TTK: variants seen among roughly 807,000 people sequenced by gnomAD.
TTK encodes the protein dual specificity protein kinase TTK.
A neutral mutation model predicts 117.3 loss-of-function variants in TTK; 59 were observed. The ratio of observed to expected loss-of-function variants is 0.50; its 90% CI spans 0.41 to 0.62. TTK has a LOEUF of 0.62. Ranked by LOEUF, TTK falls within the 20% of genes least tolerant of loss-of-function variation. The probability of loss-of-function intolerance (pLI) is 0.00; values close to 1 mark genes in which losing one functional copy is unlikely to be tolerated. For missense variants in TTK, 921 were observed against 989.4 expected, an observed-to-expected ratio of 0.93 and a Z score of 0.93; for synonymous variants, 302 against 325.0, an observed-to-expected ratio of 0.93 and a Z score of 0.76.
At chr6:80,040,376 C>A (rs2295841) in intron 20 of TTK, 96 bp downstream of exon 20, 15 of 1,089,318 alleles carry the variant, frequency 1.4e-5, no homozygotes, top group South Asian at 1.9e-5. Context: ...AATTGGCTAC[C>A]CTTTGTCAGC....
rs539913890 is a variant in TTK at position 80,041,814 on chromosome 6, CTTTA to C, written c.2491-300_2491-297del. Among the ~76,000 whole-genome samples the C allele has an allele frequency of 3.3e-3, 505 of 151,432 alleles. 3 individuals are homozygous for C. The highest frequency in any genetic ancestry group is 0.011 in the African/African-American group (474 of 41,438). ...TGTATAGGAATTTACCTAAGACTGG[CTTTA>C]TTTAAGAAAAAGTAAAGAGATAAAG... On this transcript the variant is annotated intron_variant, in intron 21 of 21. Transcript: ENST00000369798.
intron 1 of TTK, among the ~76,000 whole-genome samples, chr6:80,005,119 C>T (rs773453644): frequency 5.3e-5 from 8 of 152,110 alleles, no homozygotes; most frequent in Non-Finnish European, 8.8e-5. Context: ...AACTTTATGA[C>T]TTTTTTTCAT....
intron 4 of TTK, among the ~76,000 whole-genome samples, chr6:80,009,394 C>A (rs1478359396): frequency 6.6e-6 from 1 of 151,948 alleles, no homozygotes; most frequent in Admixed American, 6.6e-5. Context: ...TTTCTGAGTC[C>A]TAGTAATTGT....
chr6:80,009,082 TC>T (rs1404543851), intron 4 of TTK, among the ~76,000 whole-genome samples: 2 of 152,048 alleles, frequency 1.3e-5, no homozygotes, highest in Non-Finnish European at 2.9e-5. Context: ...GACAATCTCT[TC>T]CTAAGACATT....
chr6:80,014,157 G>A lies in TTK; in HGVS notation c.985-306G>A, dbSNP rs185321281. Among the ~76,000 whole-genome samples, 832 of 152,116 alleles carry A rather than the reference G, an allele frequency of 5.5e-3. 10 individuals are homozygous for A. The highest frequency in any genetic ancestry group is 8.2e-3 in the Non-Finnish European group (559 of 67,968). ...ACTTAAATCTTTTTTCTTGTCATGA[G>A]GCATACTCTATGTTGAATTCAAACT... On this transcript the variant is annotated intron_variant, in intron 9 of 21. Transcript: ENST00000369798.
intron 4 of TTK, among the ~76,000 whole-genome samples, chr6:80,010,151 A>G (rs189749949): frequency 3.5e-4 from 53 of 152,164 alleles, no homozygotes; most frequent in African/African-American, 1.2e-3. Flanking sequence ...TATACATTTA[A>G]TATTTATATG....
Position 80,040,216 on chromosome 6 carries a change from A to G in TTK, c.2328A>G (p.Pro776=). Residue 776 remains proline, a synonymous_variant, in exon 20 of 22, where the codon CCA becomes CCG. Coordinates refer to ENST00000369798, the MANE Select transcript of TTK (RefSeq NM_003318.5). The part of the protein sequence containing the change: ...DVLKCCLKRD[P]KQRISIPELL... ...AATAGTGTTGTTTAAAAAGGGACCCAAAACAGAGGATATCCATTCCTGAGC... is the reference window on the plus strand; with the variant it reads ...AATAGTGTTGTTTAAAAAGGGACCCGAAACAGAGGATATCCATTCCTGAGC... 1 of 1,589,970 alleles carries G rather than the reference A, an allele frequency of 6.3e-7. No individual in the cohort carries two copies. Among genetic ancestry groups the G allele is most frequent in the Non-Finnish European group, 8.6e-7 (1 of 1,169,364 alleles).
At chr6:80,040,417 T>C (rs1768017009) in intron 20 of TTK, 137 bp downstream of exon 20, 5 of 921,728 alleles carry the variant, frequency 5.4e-6, no homozygotes, top group Non-Finnish European at 7.9e-6. Flanking sequence ...GTTCCATTAT[T>C]ATAAATAGTA....
At chr6:80,020,741 G>A (rs1767436704) in intron 10 of TTK, among the ~76,000 whole-genome samples, 1 of 152,222 alleles carries the variant, frequency 6.6e-6, no homozygotes, top group African/African-American at 2.4e-5. Context: ...ACAAAAATCA[G>A]AGGCCAGGTT....
intron 10 of TTK, among the ~76,000 whole-genome samples, chr6:80,021,317 T>C (rs574116663): frequency 2.0e-5 from 3 of 152,314 alleles, no homozygotes; most frequent in Non-Finnish European, 4.4e-5. Flanking sequence ...GGCTCCTGCG[T>C]TGGCCTGGTA....
intron 13 of TTK, among the ~76,000 whole-genome samples, chr6:80,028,861 G>A (rs1767679769): frequency 6.6e-6 from 1 of 152,140 alleles, no homozygotes; most frequent in South Asian, 2.1e-4. Flanking sequence ...GGGCCTTGGA[G>A]ACACTGGGCA....
chr6:80,024,440 A>C (rs1434333576), intron 11 of TTK, among the ~76,000 whole-genome samples: 3 of 152,252 alleles, frequency 2.0e-5, no homozygotes, highest in Non-Finnish European at 2.9e-5. Flanking sequence ...ATGAAGTACT[A>C]GTACATGTTA....
chr6:80,034,232 G>T (rs978875977), intron 14 of TTK, among the ~76,000 whole-genome samples: 2 of 152,110 alleles, frequency 1.3e-5, no homozygotes, highest in Admixed American at 6.6e-5. Context: ...GCTATTGAGA[G>T]TATCTAGAAC....
At chr6:80,039,191 G>A (rs1016450249) in intron 18 of TTK, among the ~76,000 whole-genome samples, 1 of 151,966 alleles carries the variant, frequency 6.6e-6, no homozygotes, top group African/African-American at 2.4e-5. Context: ...ATGTTTTAAA[G>A]CTTGTAAATA....
chr6:80,017,858 A>T (rs1767352179), intron 10 of TTK, among the ~76,000 whole-genome samples: 1 of 152,120 alleles, frequency 6.6e-6, no homozygotes, highest in South Asian at 2.1e-4. Context: ...TGAGATAATT[A>T]TTTTCTGTGT....
chr6:80,029,330 A>G (rs531275862), intron 13 of TTK, among the ~76,000 whole-genome samples: 19 of 152,352 alleles, frequency 1.2e-4, no homozygotes, highest in Admixed American at 3.9e-4. Context: ...TGCATTATGT[A>G]TAATTTGCAC....
chr6:80,035,795 G>T (rs1233208375), intron 16 of TTK, among the ~76,000 whole-genome samples: 2 of 152,196 alleles, frequency 1.3e-5, no homozygotes, highest in East Asian at 3.9e-4. Context: ...TATGCCCTGT[G>T]TGAGAAGTTG....
At chr6:80,015,510 A>G (rs1450039077) in intron 10 of TTK, among the ~76,000 whole-genome samples, 1 of 152,190 alleles carries the variant, frequency 6.6e-6, no homozygotes, top group Non-Finnish European at 1.5e-5. Flanking sequence ...TGCCTTTGCC[A>G]GGGACTTTGC....
rs766324486 is a variant in TTK at position 80,040,727 on chromosome 6, T to A, written c.2490+24T>A. 5.0e-6 allele frequency: 8 copies of A among 1,599,198 alleles called. No homozygotes were observed. In the African/African-American group the frequency reaches 9.4e-5, roughly 19 times the overall value. On this transcript the variant is annotated intron_variant, in intron 21 of 21. Transcript: ENST00000369798. ...AAGTAAGTATGTCTATTCTTTACATTAATTTTTACTGTTTTATATAGTGAA... is the reference window on the plus strand; with the variant it reads ...AAGTAAGTATGTCTATTCTTTACATAAATTTTTACTGTTTTATATAGTGAA...
Sources: allele counts gnomAD v4.1 joint callset (sites outside exome capture counted in the v4.1 genomes callset), GRCh38; gene constraint gnomAD v4.1.1; transcripts MANE v1.5; gene names NCBI Gene and HGNC (gene_info 2026-07-23, HGNC 2026-07-21).